Variants in UNC13C observed in about 807,000 individuals in gnomAD.
UNC13C encodes the protein protein unc-13 homolog C.
Under a neutral mutation model 245.4 loss-of-function variants are expected in UNC13C, and 174 were observed. The observed-to-expected ratio is 0.71, with a 90% CI of 0.63 to 0.80. The LOEUF (loss-of-function observed/expected upper bound fraction) is 0.80. Ranked by LOEUF, UNC13C falls within the 30% of genes least tolerant of loss-of-function variation. UNC13C has a pLI of 0.00. For missense variants in UNC13C, 2,829 were observed against 2,602.9 expected, an observed-to-expected ratio of 1.09 and a Z score of -1.89; for synonymous variants, 992 against 895.1, an observed-to-expected ratio of 1.11 and a Z score of -1.93.
At chr15:54,266,981 A>G (rs994624679) in intron 10 of UNC13C, among the ~76,000 whole-genome samples, 10 of 152,124 alleles carry the variant, frequency 6.6e-5, no homozygotes, top group Non-Finnish European at 8.8e-5. Context: ...GGGTATGTCA[A>G]TAGCTTATTT....
chr15:53,855,775 G>C, the UNC13C span, among the ~76,000 whole-genome samples: 1 of 152,178 alleles, frequency 6.6e-6, no homozygotes, highest in African/African-American at 2.4e-5. Flanking sequence ...ATCTCTGCTA[G>C]GTTTTTGTAT....
intron 17 of UNC13C, among the ~76,000 whole-genome samples, chr15:54,347,710 G>A (rs1213933180): frequency 6.6e-6 from 1 of 152,090 alleles, no homozygotes; most frequent in African/African-American, 2.4e-5. Flanking sequence ...ACCTACAAGT[G>A]GGAGTTGTAT....
intron 30 of UNC13C, among the ~76,000 whole-genome samples, chr15:54,574,023 T>C (rs555822024): frequency 1.3e-5 from 2 of 152,348 alleles, no homozygotes; most frequent in Admixed American, 6.5e-5. Flanking sequence ...GTACTTGCGC[T>C]CTTATTTTAA....
intron 14 of UNC13C, among the ~76,000 whole-genome samples, chr15:54,325,821 A>T (rs889068100): frequency 6.6e-6 from 1 of 152,114 alleles, no homozygotes; most frequent in African/African-American, 2.4e-5. Flanking sequence ...TCAGAAGATA[A>T]AAAGAGAGAT....
At chr15:54,286,894 A>C (rs1468096826) in intron 10 of UNC13C, among the ~76,000 whole-genome samples, 3 of 152,198 alleles carry the variant, frequency 2.0e-5, no homozygotes, top group Admixed American at 2.0e-4. Context: ...TTCCCATGGA[A>C]ACAAAACCAG....
At chr15:54,001,304 T>C (rs1284014304) in intron 1 of UNC13C, among the ~76,000 whole-genome samples, 1 of 152,180 alleles carries the variant, frequency 6.6e-6, no homozygotes, top group African/African-American at 2.4e-5. Flanking sequence ...TTGTATGCAT[T>C]GGAGAAGGTA....
intron 7 of UNC13C, among the ~76,000 whole-genome samples, chr15:54,245,504 A>C (rs1238639537): frequency 1.3e-5 from 2 of 152,128 alleles, no homozygotes; most frequent in African/African-American, 2.4e-5. Flanking sequence ...TTTCTGCTAC[A>C]AAAAAATCAC....
At chr15:54,226,870 C>G (rs1444571944) in intron 4 of UNC13C, among the ~76,000 whole-genome samples, 2 of 152,140 alleles carry the variant, frequency 1.3e-5, no homozygotes, top group African/African-American at 4.8e-5. Context: ...TGCAGAACTC[C>G]TTAAAGTGTG....
chr15:54,407,537 T>C (rs2040321999), intron 18 of UNC13C, among the ~76,000 whole-genome samples: 1 of 152,226 alleles, frequency 6.6e-6, no homozygotes, highest in Non-Finnish European at 1.5e-5. Flanking sequence ...GAAGAACTTG[T>C]GTAACTGTTA....
At chr15:54,233,846 G>C (rs183278462) in intron 4 of UNC13C, among the ~76,000 whole-genome samples, 1 of 152,278 alleles carries the variant, frequency 6.6e-6, no homozygotes, top group South Asian at 2.1e-4. Context: ...GAACTGTGTT[G>C]TTCATGGTGA....
chr15:54,438,350 A>T (rs1485187078), intron 19 of UNC13C, among the ~76,000 whole-genome samples: 1 of 151,990 alleles, frequency 6.6e-6, no homozygotes, highest in African/African-American at 2.4e-5. Flanking sequence ...CTTCTAGTAA[A>T]GACTACAAGA....
chr15:54,339,642 T>TATAG (rs202015219), intron 17 of UNC13C, among the ~76,000 whole-genome samples: 505 of 10,086 alleles, frequency 0.05, 22 homozygotes, highest in East Asian at 0.47. Flanking sequence ...TATGTGGAGA[T>TATAG]ATATATATAT....
At chr15:54,255,510 C>T (rs1373665834) in intron 8 of UNC13C, among the ~76,000 whole-genome samples, 1 of 152,190 alleles carries the variant, frequency 6.6e-6, no homozygotes, top group African/African-American at 2.4e-5. Context: ...GTCCTCTCAA[C>T]ATCCAGCCAC....
chr15:54,596,228 G>A (rs1459940990), intron 30 of UNC13C, among the ~76,000 whole-genome samples: 7 of 152,042 alleles, frequency 4.6e-5, no homozygotes, highest in African/African-American at 1.4e-4. Context: ...ATATAAATAC[G>A]CTTATCCCAA....
At chr15:53,945,717 T>C in the UNC13C span, among the ~76,000 whole-genome samples, 3 of 152,042 alleles carry the variant, frequency 2.0e-5, no homozygotes, top group Non-Finnish European at 4.4e-5. Context: ...GAATTGCCTT[T>C]GTTATTTGAG....
intron 2 of UNC13C, among the ~76,000 whole-genome samples, chr15:54,076,628 A>AGCG (rs1555411908): frequency 1.9e-3 from 293 of 151,842 alleles, no homozygotes; most frequent in Non-Finnish European, 3.0e-3. Flanking sequence ...GGTTGCTGGC[A>AGCG]GAGTGATAGT....
At chr15:54,455,227 A>C (rs1891438744) in intron 19 of UNC13C, among the ~76,000 whole-genome samples, 1 of 84,478 alleles carries the variant, frequency 1.2e-5, no homozygotes, top group Admixed American at 1.5e-4. Context: ...ATATATATAT[A>C]TATATATATA....
chr15:53,917,472 T>C, the UNC13C span, among the ~76,000 whole-genome samples: 2 of 152,334 alleles, frequency 1.3e-5, no homozygotes, highest in East Asian at 1.9e-4. Context: ...ACCTAGTTCT[T>C]AGGTAACAAG....
At chr15:54,559,685 C>T (rs1897226117) in intron 29 of UNC13C, among the ~76,000 whole-genome samples, 1 of 151,818 alleles carries the variant, frequency 6.6e-6, no homozygotes, top group African/African-American at 2.4e-5. Flanking sequence ...CAGGGAAAAG[C>T]TTCCCAGAGA....
Sources: gnomAD v4.1 joint callset for allele counts (sites outside exome capture counted in the v4.1 genomes callset) on GRCh38, gnomAD v4.1.1 for gene constraint, MANE v1.5 for transcripts, NCBI Gene and HGNC (gene_info 2026-07-23, HGNC 2026-07-21) for gene names.